Variants in DGKB observed in about 807,000 individuals in gnomAD.
DGKB encodes the protein 90 kDa diacylglycerol kinase.
Under a neutral mutation model 114.3 loss-of-function variants are expected in DGKB, and 67 were observed. The ratio of observed to expected loss-of-function variants is 0.59; its 90% confidence interval spans 0.48 to 0.72. The LOEUF (loss-of-function observed/expected upper bound fraction) is 0.72, where lower values mean the gene tolerates loss of function less well. DGKB is among the 30% of genes least tolerant of loss of function. DGKB has a pLI of 0.00. For missense variants in DGKB, 907 were observed against 975.2 expected (o/e 0.93, Z 0.93); for synonymous variants, 398 against 323.1 (o/e 1.23, Z -2.49).
intron 1 of DGKB, among the ~76,000 whole-genome samples, chr7:14,875,425 C>T (rs1853129003): frequency 6.6e-6 from 1 of 152,020 alleles, no homozygotes; most frequent in Admixed American, 6.5e-5. Context: ...AAAAATTAAG[C>T]CACATAGGTA....
chr7:14,595,123 G>A (rs1036207418), intron 17 of DGKB, among the ~76,000 whole-genome samples: 11 of 152,116 alleles, frequency 7.2e-5, no homozygotes, highest in Admixed American at 5.2e-4. Flanking sequence ...GTTGAATCTC[G>A]AAGCTTAGGT....
intron 23 of DGKB, among the ~76,000 whole-genome samples, chr7:14,292,000 A>T (rs1584968589): frequency 6.6e-6 from 1 of 152,212 alleles, no homozygotes; most frequent in Middle Eastern, 3.4e-3. Flanking sequence ...TTTTTCACAA[A>T]AAAGGCACAA....
intron 2 of DGKB, among the ~76,000 whole-genome samples, chr7:14,807,302 T>C (rs1842895003): frequency 6.6e-6 from 1 of 152,032 alleles, no homozygotes. Context: ...TTTCTTATTA[T>C]CTGTTTTATG....
Position 14,665,912 on chromosome 7 carries a change from A to C in DGKB, c.1134+7017T>G, listed in dbSNP as rs115307335. 8.0e-3 allele frequency among the ~76,000 whole-genome samples: 1,214 copies of C among 152,118 alleles called. 19 individuals carry two copies. Among genetic ancestry groups the C allele is most frequent in the African/African-American group, 0.028 (1,175 of 41,558 alleles). On this transcript the variant is annotated intron_variant, in intron 13 of 25. Coordinates refer to ENST00000402815, the MANE Select transcript of DGKB (RefSeq NM_001350709.2). ...AAAATCAAAGGGATTCTATAGGCCT[A>C]TTTTATCGATTTCTGTGACCTCACA...
chr7:14,913,656 A>G (rs1784097980), intron 1 of DGKB, among the ~76,000 whole-genome samples: 1 of 151,992 alleles, frequency 6.6e-6, no homozygotes, highest in Admixed American at 6.6e-5. Flanking sequence ...AAATGGGAAG[A>G]AAATGACACG....
At chr7:14,952,129 C>G (rs1300693141) in intron 1 of DGKB, among the ~76,000 whole-genome samples, 1 of 151,882 alleles carries the variant, frequency 6.6e-6, no homozygotes, top group Non-Finnish European at 1.5e-5. Flanking sequence ...CATACATATA[C>G]AAAGAGGAAT....
intron 23 of DGKB, among the ~76,000 whole-genome samples, chr7:14,306,566 G>A (rs549872779): frequency 9.2e-5 from 14 of 152,034 alleles, no homozygotes; most frequent in Non-Finnish European, 1.9e-4. Flanking sequence ...TTTTTTCTGA[G>A]AATCTGTGGA....
intron 13 of DGKB, among the ~76,000 whole-genome samples, chr7:14,645,618 T>C (rs1812806703): frequency 6.6e-6 from 1 of 150,420 alleles, no homozygotes; most frequent in Non-Finnish European, 1.5e-5. Context: ...TACAAGGGAG[T>C]CCCCATTAGA....
chr7:14,767,729 C>A (rs1415309468), intron 2 of DGKB, among the ~76,000 whole-genome samples: 1 of 151,830 alleles, frequency 6.6e-6, no homozygotes, highest in Non-Finnish European at 1.5e-5. Context: ...GAATTAAATG[C>A]AGACATTTTA....
intron 1 of DGKB, among the ~76,000 whole-genome samples, chr7:14,957,041 C>A (rs1786546338): frequency 6.6e-6 from 1 of 151,754 alleles, no homozygotes; most frequent in Non-Finnish European, 1.5e-5. Flanking sequence ...TATCAAATGC[C>A]CAAATAGGAA....
intron 20 of DGKB, among the ~76,000 whole-genome samples, chr7:14,543,189 C>A (rs183963666): frequency 6.6e-6 from 1 of 152,220 alleles, no homozygotes; most frequent in East Asian, 1.9e-4. Context: ...GTGGCTCACA[C>A]CTGTAATCCC....
intron 3 of DGKB, among the ~76,000 whole-genome samples, chr7:14,757,170 A>G (rs977946686): frequency 2.0e-5 from 3 of 152,064 alleles, no homozygotes; most frequent in African/African-American, 7.2e-5. Flanking sequence ...TCTTTGGTCA[A>G]GGAAATAATT....
At chr7:14,315,075 C>G (rs1806211584) in intron 23 of DGKB, among the ~76,000 whole-genome samples, 1 of 149,770 alleles carries the variant, frequency 6.7e-6, no homozygotes, top group African/African-American at 2.5e-5. Flanking sequence ...TACAGACAAG[C>G]AAATGCTGAG....
intron 2 of DGKB, among the ~76,000 whole-genome samples, chr7:14,824,261 G>C (rs1389428992): frequency 6.6e-6 from 1 of 151,900 alleles, no homozygotes; most frequent in Non-Finnish European, 1.5e-5. Context: ...GCATAACCTT[G>C]TTCTCCTCAT....
intron 13 of DGKB, among the ~76,000 whole-genome samples, chr7:14,661,071 T>C (rs1265055217): frequency 6.6e-6 from 1 of 151,542 alleles, no homozygotes; most frequent in African/African-American, 2.4e-5. Context: ...GATTAAAGAC[T>C]TAAATGTTAG....
intron 23 of DGKB, among the ~76,000 whole-genome samples, chr7:14,203,271 C>T (rs1466815541): frequency 6.6e-6 from 1 of 151,482 alleles, no homozygotes. Flanking sequence ...TAAGACATTT[C>T]CTTATGATGA....
intron 20 of DGKB, among the ~76,000 whole-genome samples, chr7:14,567,182 AT>A (rs1323203104): frequency 1.1e-5 from 1 of 92,778 alleles, no homozygotes; most frequent in East Asian, 2.7e-4. Context: ...ATTATATATA[AT>A]TATATATTTA....
At chr7:14,418,577 T>C (rs1412320322) in intron 21 of DGKB, among the ~76,000 whole-genome samples, 1 of 151,772 alleles carries the variant, frequency 6.6e-6, no homozygotes, top group East Asian at 1.9e-4. Context: ...GAAACCCTGA[T>C]GGTTTGTATC....
rs567223464 is a variant in DGKB at position 14,473,260 on chromosome 7, T to C, written c.1835+4901A>G. Among the ~76,000 whole-genome samples the C allele has an allele frequency of 5.9e-5, 9 of 152,240 alleles. No individual in the cohort carries two copies. The East Asian group carries it at 1.7e-3, about 29-fold the overall frequency. ...TCCTGTGTCCCAGCTGCACCATCCA[T>C]GGCTGAAAGGGGCCAACATAGAGCT... is the stretch of plus-strand genomic sequence containing the variant. On this transcript the variant is annotated intron_variant, in intron 21 of 25. Coordinates refer to ENST00000402815, the MANE Select transcript of DGKB (RefSeq NM_001350709.2).
Sources: allele counts gnomAD v4.1 joint callset (sites outside exome capture counted in the v4.1 genomes callset), GRCh38; gene constraint gnomAD v4.1.1; transcripts MANE v1.5; gene names NCBI Gene and HGNC (gene_info 2026-07-23, HGNC 2026-07-21).